Variants in MYO1E observed in about 807,000 individuals in gnomAD.
The protein encoded by MYO1E is unconventional myosin-Ie.
MYO1E carries 68 observed loss-of-function variants against 151.1 expected under a neutral mutation model. The ratio of observed to expected loss-of-function variants is 0.45; its 90% confidence interval spans 0.37 to 0.55. MYO1E has a LOEUF of 0.55. Ranked by LOEUF, MYO1E falls within the 20% of genes least tolerant of loss-of-function variation. The pLI is 0.00. For missense variants in MYO1E, 1,363 were observed against 1,389.3 expected, an observed-to-expected ratio of 0.98 and a Z score of 0.30; for synonymous variants, 601 against 501.7, an observed-to-expected ratio of 1.20 and a Z score of -2.64.
rs560355919 is a variant in MYO1E, at chr15:59,364,926, A to G, written c.3+7572T>C. 1.2e-4 allele frequency among the ~76,000 whole-genome samples: 19 copies of G among 152,248 alleles called. No individual in the cohort carries two copies. The Middle Eastern group carries it at 0.01, about 82-fold the overall frequency. Reference sequence around the variant, plus strand: ...TCCATCTCAAGAAAAACAAACAAACAAAGAAACAATGCATTTGAACAGACT... The same window carrying G: ...TCCATCTCAAGAAAAACAAACAAACGAAGAAACAATGCATTTGAACAGACT... On this transcript the variant is annotated intron_variant, in intron 1 of 27. Transcript: ENST00000288235.
intron 1 of MYO1E, among the ~76,000 whole-genome samples, chr15:59,370,512 G>A (rs547080826): frequency 9.2e-5 from 14 of 152,316 alleles, no homozygotes; most frequent in South Asian, 6.2e-4. Context: ...CATATCTGAT[G>A]CACAGATAGT....
At chr15:59,277,946 T>C (rs1280985564) in intron 1 of MYO1E, among the ~76,000 whole-genome samples, 1 of 152,246 alleles carries the variant, frequency 6.6e-6, no homozygotes, top group African/African-American at 2.4e-5. Flanking sequence ...AAATGTAACC[T>C]TTATTTTCCA....
chr15:59,337,669 A>T (rs910774955), intron 1 of MYO1E, among the ~76,000 whole-genome samples: 1 of 152,160 alleles, frequency 6.6e-6, no homozygotes, highest in South Asian at 2.1e-4. Context: ...CGTCTCTACT[A>T]AAAGTATAAA....
intron 1 of MYO1E, among the ~76,000 whole-genome samples, chr15:59,291,664 C>T (rs1301997538): frequency 1.8e-5 from 2 of 111,430 alleles, no homozygotes; most frequent in African/African-American, 3.7e-5. Flanking sequence ...GGTGAAATCC[C>T]GTCTCTACTA....
intron 1 of MYO1E, among the ~76,000 whole-genome samples, chr15:59,303,587 C>T (rs936664367): frequency 1.3e-5 from 2 of 152,076 alleles, no homozygotes; most frequent in African/African-American, 4.8e-5. Flanking sequence ...TAAATAGATA[C>T]ATAAAATGCA....
intron 1 of MYO1E, among the ~76,000 whole-genome samples, chr15:59,351,580 G>A (rs2080823382): frequency 6.6e-6 from 1 of 152,218 alleles, no homozygotes; most frequent in African/African-American, 2.4e-5. Context: ...GTTACTAGAA[G>A]ATGATTGCGC....
At chr15:59,137,590 A>T in intron 27 of MYO1E, 134 bp from the exon 28 acceptor site, 1 of 775,536 alleles carries the variant, frequency 1.3e-6, no homozygotes, top group South Asian at 1.5e-5. Context: ...TAAATCAAAA[A>T]GTTTGTTGAA....
intron 14 of MYO1E, 100 bp from the exon 15 acceptor site, chr15:59,205,585 A>C: frequency 8.6e-7 from 1 of 1,166,790 alleles, no homozygotes; most frequent in Non-Finnish European, 1.3e-6. Context: ...CCAAACAAAA[A>C]ACCAAAGCTG....
Position 59,177,888 on chromosome 15 carries a change from C to A in MYO1E, c.2049+505G>T, listed in dbSNP as rs111458159. Among the ~76,000 whole-genome samples the A allele has an allele frequency of 9.7e-3, 1,471 of 152,326 alleles. 29 individuals carry two copies. The highest frequency in any genetic ancestry group is 0.033 in the African/African-American group (1,385 of 41,574). On this transcript the variant is annotated intron_variant, in intron 19 of 27. Coordinates refer to ENST00000288235, the MANE Select transcript of MYO1E (RefSeq NM_004998.4). ...CCCCCACAGCCTTCTAGGTACAATC[C>A]TGGGAATTCCCACCCGGCACTCTGC...
chr15:59,336,585 G>C (rs62002502), intron 1 of MYO1E, among the ~76,000 whole-genome samples: 3,580 of 145,462 alleles, frequency 0.025, 53 homozygotes, highest in South Asian at 0.038. Context: ...GTACACCCCT[G>C]GTCTTTTTTT....
chr15:59,287,872 A>T (rs547315825), intron 1 of MYO1E, among the ~76,000 whole-genome samples: 1 of 152,196 alleles, frequency 6.6e-6, no homozygotes, highest in African/African-American at 2.4e-5. Context: ...GCAACCCTCA[A>T]CTAGAAGGAG....
intron 12 of MYO1E, among the ~76,000 whole-genome samples, chr15:59,211,958 G>A (rs2079881913): frequency 6.6e-6 from 1 of 151,896 alleles, no homozygotes; most frequent in Non-Finnish European, 1.5e-5. Flanking sequence ...TAAGTCTATA[G>A]AGCCAGAGTG....
chr15:59,334,075 G>A (rs1197611064), intron 1 of MYO1E, among the ~76,000 whole-genome samples: 6 of 152,130 alleles, frequency 3.9e-5, no homozygotes, highest in African/African-American at 1.4e-4. Flanking sequence ...TGGAAGGATC[G>A]CTTGAGACCC....
At chr15:59,307,743 T>C (rs186935015) in intron 1 of MYO1E, among the ~76,000 whole-genome samples, 60 of 152,082 alleles carry the variant, frequency 3.9e-4, no homozygotes, top group African/African-American at 1.4e-3. Context: ...CCCGAGTAGC[T>C]GGGATTATAG....
At chr15:59,206,895 A>C (rs1322067633) in intron 14 of MYO1E, 3 of 1,572,026 alleles carry the variant, frequency 1.9e-6, no homozygotes, top group Admixed American at 3.6e-5. Context: ...CGTTCGGATC[A>C]GCAGCTTTTT....
chr15:59,263,907 T>G (rs543493413), intron 2 of MYO1E, among the ~76,000 whole-genome samples: 1 of 152,062 alleles, frequency 6.6e-6, no homozygotes, highest in Admixed American at 6.5e-5. Flanking sequence ...GACACATACA[T>G]GTACTGTTAA....
chr15:59,320,720 A>T (rs2080620639), intron 1 of MYO1E, among the ~76,000 whole-genome samples: 1 of 152,234 alleles, frequency 6.6e-6, no homozygotes, highest in Admixed American at 6.5e-5. Flanking sequence ...AAGACCTCAA[A>T]CTATAAGAAT....
chr15:59,246,219 G>C (rs8039825), intron 4 of MYO1E, among the ~76,000 whole-genome samples: 75,265 of 151,948 alleles, frequency 0.5, 20,594 homozygotes, highest in Non-Finnish European at 0.63. Context: ...CTGGGTTCAA[G>C]TGATTCTCCT....
intron 1 of MYO1E, among the ~76,000 whole-genome samples, chr15:59,369,811 C>A (rs1393547432): frequency 6.6e-6 from 1 of 152,078 alleles, no homozygotes; most frequent in Non-Finnish European, 1.5e-5. Flanking sequence ...TGAGTCACAA[C>A]TGAATGAGTC....
Sources: allele counts gnomAD v4.1 joint callset (sites outside exome capture counted in the v4.1 genomes callset), GRCh38; gene constraint gnomAD v4.1.1; transcripts MANE v1.5; gene names NCBI Gene and HGNC (gene_info 2026-07-23, HGNC 2026-07-21).